Variants in SLC4A4 observed in about 807,000 individuals in gnomAD.
The protein encoded by SLC4A4 is electrogenic sodium bicarbonate cotransporter 1.
SLC4A4 carries 27 observed loss-of-function variants against 111.5 expected under a neutral mutation model. That is an observed-to-expected ratio of 0.24 (90% CI 0.18 to 0.33). The LOEUF (loss-of-function observed/expected upper bound fraction) is 0.33. Among genes scored for constraint, SLC4A4 ranks in the 10% least tolerant of loss-of-function variants. The probability of loss-of-function intolerance (pLI) is 1.00; values close to 1 mark genes in which losing one functional copy is unlikely to be tolerated. For synonymous variants in SLC4A4, 443 were observed against 463.4 expected, an observed-to-expected ratio of 0.96 and a Z score of 0.57; for missense variants, 909 against 1,315.5, an observed-to-expected ratio of 0.69 and a Z score of 4.78.
intron 1 of SLC4A4, chr4:71,236,232 G>T: frequency 1.0e-6 from 1 of 968,318 alleles, no homozygotes; most frequent in Non-Finnish European, 1.2e-6. Flanking sequence ...TCCTCTCTTG[G>T]TATTTTTTTT....
intron 2 of SLC4A4, among the ~76,000 whole-genome samples, chr4:71,123,766 TA>T (rs1367334540): frequency 6.6e-6 from 1 of 152,238 alleles, no homozygotes; most frequent in African/African-American, 2.4e-5. Context: ...TGAGGACTTT[TA>T]TTTTTTTGCG....
At chr4:71,225,802 T>G (rs1453113866) in intron 1 of SLC4A4, among the ~76,000 whole-genome samples, 1 of 152,250 alleles carries the variant, frequency 6.6e-6, no homozygotes, top group Non-Finnish European at 1.5e-5. Context: ...AATCTGCATC[T>G]GATCTGAGAT....
At chr4:71,330,049 C>T (rs185677887) in intron 3 of SLC4A4, among the ~76,000 whole-genome samples, 1 of 152,136 alleles carries the variant, frequency 6.6e-6, no homozygotes, top group Non-Finnish European at 1.5e-5. Context: ...AATGCTTTTT[C>T]AGCATCAATT....
intron 1 of SLC4A4, among the ~76,000 whole-genome samples, chr4:71,084,062 G>A (rs1049624744): frequency 2.0e-5 from 3 of 151,750 alleles, no homozygotes; most frequent in African/African-American, 7.3e-5. Context: ...AAAAAGGGAT[G>A]AGGAGGGACT....
chr4:71,128,997 A>C (rs2148960425), intron 2 of SLC4A4, among the ~76,000 whole-genome samples: 1 of 152,326 alleles, frequency 6.6e-6, no homozygotes, highest in East Asian at 1.9e-4. Context: ...GTAAGGCCTA[A>C]AACTATAAAA....
chr4:71,544,149 CAT>C (rs1735303678), intron 18 of SLC4A4, among the ~76,000 whole-genome samples: 1 of 151,864 alleles, frequency 6.6e-6, no homozygotes, highest in Admixed American at 6.6e-5. Flanking sequence ...TAGAGGAAGT[CAT>C]AAAATGCAAA....
intron 21 of SLC4A4, 102 bp downstream of exon 21, chr4:71,555,310 C>A (rs928574885): frequency 2.4e-6 from 2 of 825,512 alleles, no homozygotes; most frequent in Non-Finnish European, 4.3e-6. Flanking sequence ...TTATTAACTG[C>A]TGAGTTTTTA....
At chr4:71,391,463 A>G (rs1669788662) in intron 6 of SLC4A4, among the ~76,000 whole-genome samples, 1 of 152,108 alleles carries the variant, frequency 6.6e-6, no homozygotes. Context: ...ACTAATAGTT[A>G]TAATTGCAAA....
chr4:71,424,348 C>T, intron 7 of SLC4A4, among the ~76,000 whole-genome samples: 1 of 151,810 alleles, frequency 6.6e-6, no homozygotes, highest in East Asian at 1.9e-4. Context: ...ACAACAGGTG[C>T]TGGAGAGGAT....
intron 2 of SLC4A4, among the ~76,000 whole-genome samples, chr4:71,101,623 G>C (rs188967192): frequency 6.6e-6 from 1 of 152,086 alleles, no homozygotes; most frequent in African/African-American, 2.4e-5. Context: ...CCTGACCCCC[G>C]AGCAGCCTAA....
At chr4:71,447,158 T>A (rs1213416490) in intron 8 of SLC4A4, among the ~76,000 whole-genome samples, 1 of 152,218 alleles carries the variant, frequency 6.6e-6, no homozygotes, top group Non-Finnish European at 1.5e-5. Context: ...TTTTGCTGAT[T>A]CCCAGTCACT....
intron 7 of SLC4A4, among the ~76,000 whole-genome samples, chr4:71,428,560 T>C (rs930038367): frequency 6.6e-6 from 1 of 151,884 alleles, no homozygotes; most frequent in African/African-American, 2.4e-5. Context: ...GATTCTGAGC[T>C]TACCACATGA....
chr4:71,215,181 T>C (rs1009284664), intron 1 of SLC4A4, among the ~76,000 whole-genome samples: 2 of 152,214 alleles, frequency 1.3e-5, no homozygotes, highest in African/African-American at 4.8e-5. Context: ...CCTTCTGTCC[T>C]CTCCTCAATC....
intron 3 of SLC4A4, among the ~76,000 whole-genome samples, chr4:71,285,669 A>G (rs1723859430): frequency 6.6e-6 from 1 of 152,196 alleles, no homozygotes; most frequent in Non-Finnish European, 1.5e-5. Flanking sequence ...AATTCTCAGA[A>G]AACAATTCTC....
chr4:71,541,573 G>A (rs561252542), intron 18 of SLC4A4, among the ~76,000 whole-genome samples: 2 of 152,272 alleles, frequency 1.3e-5, no homozygotes, highest in South Asian at 4.1e-4. Flanking sequence ...AGATGCAGGA[G>A]CATGGAAAGG....
intron 3 of SLC4A4, among the ~76,000 whole-genome samples, chr4:71,289,324 T>G (rs1217510230): frequency 6.6e-6 from 1 of 152,240 alleles, no homozygotes; most frequent in Non-Finnish European, 1.5e-5. Flanking sequence ...TGCATTGTTT[T>G]ATATCAGATT....
intron 3 of SLC4A4, among the ~76,000 whole-genome samples, chr4:71,282,440 C>T (rs1003626963): frequency 6.6e-6 from 1 of 151,956 alleles, no homozygotes; most frequent in Non-Finnish European, 1.5e-5. Flanking sequence ...CATGCTCCAC[C>T]ATGCCCGGCT....
intron 2 of SLC4A4, among the ~76,000 whole-genome samples, chr4:71,162,304 ATGC>A (rs1364157139): frequency 2.0e-5 from 3 of 152,204 alleles, no homozygotes; most frequent in Non-Finnish European, 2.9e-5. Flanking sequence ...TAGGAGAGCC[ATGC>A]TTTGAATCCA....
At chr4:71,391,871 C>A (rs1665100732) in intron 6 of SLC4A4, among the ~76,000 whole-genome samples, 1 of 151,998 alleles carries the variant, frequency 6.6e-6, no homozygotes, top group African/African-American at 2.4e-5. Flanking sequence ...GCCCAAGAAG[C>A]AACATACTTT....
Sources: gnomAD v4.1 joint callset for allele counts (sites outside exome capture counted in the v4.1 genomes callset) on GRCh38, gnomAD v4.1.1 for gene constraint, MANE v1.5 for transcripts, NCBI Gene and HGNC (gene_info 2026-07-23, HGNC 2026-07-21) for gene names.